Variants in USH1C observed in about 807,000 individuals in gnomAD.
The protein encoded by USH1C is USH1 protein network component harmonin, also known as harmonin.
A neutral mutation model predicts 119.3 loss-of-function variants in USH1C; 90 were observed. That is an observed-to-expected ratio of 0.75 (90% CI 0.64 to 0.90). The LOEUF (loss-of-function observed/expected upper bound fraction) is 0.90, where lower values mean the gene tolerates loss of function less well. USH1C is among the 40% of genes least tolerant of loss of function. USH1C has a pLI of 0.00. For missense variants in USH1C, 1,165 were observed against 1,167.7 expected, an observed-to-expected ratio of 1.00 and a Z score of 0.03; for synonymous variants, 465 against 443.3, an observed-to-expected ratio of 1.05 and a Z score of -0.62.
chr11:17,513,917 G>C (rs1485767675), intron 15 of USH1C, among the ~76,000 whole-genome samples: 2 of 152,248 alleles, frequency 1.3e-5, no homozygotes. Context: ...TCATGCCCAA[G>C]AAAGTCATAT....
intron 1 of USH1C, 40 bp from the exon 2 acceptor site, chr11:17,533,362 C>CG (rs1554963777): frequency 7.0e-7 from 1 of 1,432,568 alleles, no homozygotes; most frequent in Non-Finnish European, 9.6e-7. Context: ...CCAGGCTCAG[C>CG]ACCCGCCCCC....
chr11:17,516,848 C>T (rs1008920536), intron 14 of USH1C, among the ~76,000 whole-genome samples: 1 of 152,184 alleles, frequency 6.6e-6, no homozygotes, highest in Non-Finnish European at 1.5e-5. Flanking sequence ...AGGACAGCTC[C>T]AGCAGGAGCG....
chr11:17,499,782 C>T (rs756210767), intron 23 of USH1C, among the ~76,000 whole-genome samples: 8 of 152,252 alleles, frequency 5.3e-5, no homozygotes, highest in Admixed American at 2.6e-4. Flanking sequence ...ACCTTAGTAA[C>T]CCACAGAGGT....
chr11:17,528,877 T>A (rs1850833530), intron 4 of USH1C, among the ~76,000 whole-genome samples: 1 of 152,256 alleles, frequency 6.6e-6, no homozygotes, highest in Non-Finnish European at 1.5e-5. Flanking sequence ...GACTAACTCC[T>A]TCCACCTATT....
intron 8 of USH1C, among the ~76,000 whole-genome samples, chr11:17,526,113 A>G (rs1850656421): frequency 2.0e-5 from 3 of 152,122 alleles, no homozygotes; most frequent in Non-Finnish European, 4.4e-5. Flanking sequence ...AGGTGGGAGG[A>G]TTGCTTGAGC....
At chr11:17,525,540 A>G (rs1850630656) in intron 8 of USH1C, among the ~76,000 whole-genome samples, 1 of 152,226 alleles carries the variant, frequency 6.6e-6, no homozygotes, top group Non-Finnish European at 1.5e-5. Flanking sequence ...AGAGGGAGAA[A>G]CTGAGGCTCA....
Position 17,524,547 on chromosome 11 carries a change from G to T in USH1C, c.675-12C>A. On this transcript the variant is annotated splice_polypyrimidine_tract_variant and intron_variant, in intron 8 of 26. Coordinates refer to ENST00000005226, the MANE Select transcript of USH1C (RefSeq NM_153676.4). ...GGCCGCTGGAAATGCTGCGGGAGGTGGGAAATGTGTGCTCGGGATTCAGGT... is the reference window on the plus strand; with the variant it reads ...GGCCGCTGGAAATGCTGCGGGAGGTTGGAAATGTGTGCTCGGGATTCAGGT... The T allele has an allele frequency of 6.4e-7, 1 of 1,554,904 alleles. No homozygotes were observed. Among genetic ancestry groups the T allele is most frequent in the South Asian group, 1.2e-5 (1 of 84,292 alleles).
intron 4 of USH1C, among the ~76,000 whole-genome samples, chr11:17,528,290 T>C (rs959758050): frequency 8.5e-5 from 13 of 152,204 alleles, no homozygotes; most frequent in African/African-American, 3.1e-4. Context: ...CAGCCCTGGA[T>C]ACAGAGCCGT....
chr11:17,495,337 G>A (rs1171543005), intron 26 of USH1C, among the ~76,000 whole-genome samples: 1 of 152,210 alleles, frequency 6.6e-6, no homozygotes, highest in Admixed American at 6.5e-5. Flanking sequence ...CAGGACACCT[G>A]GGTCCCAAGC....
chr11:17,509,789 G>A lies in USH1C; in HGVS notation c.1580C>T (p.Pro527Leu), dbSNP rs1279718019. Residue 527 changes from proline (P) to leucine (L), a missense_variant, in exon 18 of 27, where the codon CCA (proline) becomes CTA (leucine). Pro to Leu is a moderately conservative substitution (Grantham distance 98). Coordinates refer to ENST00000005226, the MANE Select transcript of USH1C (RefSeq NM_153676.4). ...PPPPSVSPLA[P>L]PLRRFAGGLH... ...TCCGCCTGCGAAGCGTCTCAAGGGT[G>A]GGGCCAGGGGAGACACAGAAGGCGG... 6.2e-7 allele frequency: 1 copy of A among 1,601,234 alleles called. No homozygotes were observed. Among genetic ancestry groups the A allele is most frequent in the East Asian group, 2.2e-5 (1 of 44,838 alleles).
intron 1 of USH1C, chr11:17,533,525 A>G: frequency 4.6e-6 from 3 of 647,834 alleles, no homozygotes; most frequent in Non-Finnish European, 8.4e-6. Flanking sequence ...ACGTGGCCAC[A>G]GGAGTACCGC....
chr11:17,517,309 C>T lies in USH1C; in HGVS notation c.1211-1019G>A, dbSNP rs993437420. 7.6e-6 allele frequency: 10 copies of T among 1,310,320 alleles called. 1 individual carries two copies. The East Asian group carries it at 1.8e-4, about 23-fold the overall frequency. 81.2% of individuals were successfully genotyped at this position (1,310,320 alleles called of 1,614,324 possible). ...TCTATTGGCCCCCACACATGCTGGG[C>T]CCCTGAAGCTGGGTGTCTGCACTGC... On this transcript the variant is annotated intron_variant, in intron 14 of 26. Transcript: ENST00000005226.
rs999902519 is a variant in USH1C at position 17,522,658 on chromosome 11, C to G, written c.1019+126G>C. ...TGACCTACCACCAAACTCATCTGGT[C>G]TGAGGACTGGCCTCCAGGGAGGAGG... On this transcript the variant is annotated intron_variant, in intron 12 of 26. Transcript: ENST00000005226. The G allele has an allele frequency of 7.7e-6, 11 of 1,432,258 alleles. No homozygotes were observed. The Admixed American group carries it at 1.7e-4, about 22-fold the overall frequency. The allele number at this position is 1,432,258 out of a possible 1,614,324, so 88.7% of individuals were successfully genotyped here. A position where few individuals can be genotyped will look rare whatever the true frequency, so the allele number is the denominator to read the frequency against.
chr11:17,538,297 C>T (rs1046175583), intron 1 of USH1C, among the ~76,000 whole-genome samples: 1 of 152,182 alleles, frequency 6.6e-6, no homozygotes, highest in Admixed American at 6.5e-5. Context: ...GGAGCATCTC[C>T]ACCCTCACAA....
rs144034703 is a variant in USH1C, at chr11:17,522,063, C to T, written c.1020-652G>A. 3.4e-3 allele frequency among the ~76,000 whole-genome samples: 521 copies of T among 152,272 alleles called. 4 individuals carry two copies. The highest frequency in any genetic ancestry group is 0.011 in the African/African-American group (472 of 41,548). ...GGCCAGGCTGGTCTCGAACTCCTGACCTCAGATGATCTGCCGGCCTCGACC... is the reference window on the plus strand; with the variant it reads ...GGCCAGGCTGGTCTCGAACTCCTGATCTCAGATGATCTGCCGGCCTCGACC... On this transcript the variant is annotated intron_variant, in intron 12 of 26. Coordinates refer to ENST00000005226, the MANE Select transcript of USH1C (RefSeq NM_153676.4).
rs762648575 is a variant in USH1C, at chr11:17,531,588, C to G, written c.105-46G>C. On this transcript the variant is annotated intron_variant, in intron 2 of 26. Transcript: ENST00000005226. The surrounding 1 kb of genome is among the most constrained non-coding windows in gnomAD (Gnocchi z 4.2). ...CCTGGAGCCTCACCCCTGGCCATGACCTCAGGCACCCAGGGATTCCAAGAG... is the reference window on the plus strand; with the variant it reads ...CCTGGAGCCTCACCCCTGGCCATGAGCTCAGGCACCCAGGGATTCCAAGAG... 6.2e-7 allele frequency: 1 copy of G among 1,606,960 alleles called. No homozygotes were observed. The highest frequency in any genetic ancestry group is 1.1e-5 in the South Asian group (1 of 90,378).
At position 17,523,463 on chromosome 11, in the gene USH1C, C is replaced by A. The variant is rs775210992; in HGVS notation, c.775G>T (p.Val259Phe). ...GAGAAGTCGACGCCATTGACTTCGA[C>A]AATCTGGTCCCCTATCTGGTGGGGA... ...EVGLEIGDQIVEVNGVDFSNL... is the reference protein window; with the variant it reads ...EVGLEIGDQIFEVNGVDFSNL... Residue 259 changes from valine to phenylalanine, a missense_variant, in exon 10 of 27, where the codon GTC becomes TTC. Physicochemically the swap from Val to Phe is conservative, Grantham distance 50. Coordinates refer to ENST00000005226, the MANE Select transcript of USH1C (RefSeq NM_153676.4). 3.1e-6 allele frequency: 5 copies of A among 1,614,232 alleles called. No homozygotes were observed. The South Asian group carries it at 5.5e-5, about 18-fold the overall frequency.
At chr11:17,503,820 C>A (rs1014466784) in intron 20 of USH1C, among the ~76,000 whole-genome samples, 1 of 152,206 alleles carries the variant, frequency 6.6e-6, no homozygotes, top group African/African-American at 2.4e-5. Context: ...CACTTACCAC[C>A]CAGGGTTGCT....
intron 9 of USH1C, 57 bp downstream of exon 9, chr11:17,524,394 C>T: frequency 6.5e-7 from 1 of 1,538,350 alleles, no homozygotes; most frequent in Admixed American, 2.0e-5. Flanking sequence ...ACCGCGGGAT[C>T]ACAGTCTGAC....
Sources: gnomAD v4.1 joint callset for allele counts (sites outside exome capture counted in the v4.1 genomes callset) on GRCh38, gnomAD v4.1.1 for gene constraint, Gnocchi (gnomAD v3.1) non-coding constraint, MANE v1.5 for transcripts, NCBI Gene and HGNC (gene_info 2026-07-23, HGNC 2026-07-21) for gene names.